Variants in PC observed in about 807,000 individuals in gnomAD.
The protein encoded by PC is pyruvate carboxylase, mitochondrial.
Under a neutral mutation model 107.8 loss-of-function variants are expected in PC, and 46 were observed. That is an observed-to-expected ratio of 0.43 (90% CI 0.34 to 0.55). PC has a LOEUF of 0.55. Ranked by LOEUF, PC falls within the 20% of genes least tolerant of loss-of-function variation. PC has a pLI of 0.04. For synonymous variants in PC, 662 were observed against 684.7 expected (o/e 0.97, Z 0.52); for missense variants, 1,241 against 1,643.1 (o/e 0.76, Z 4.23).
At chr11:66,901,797 C>A (rs929338438) in intron 3 of PC, among the ~76,000 whole-genome samples, 5 of 134,886 alleles carry the variant, frequency 3.7e-5, no homozygotes, top group Non-Finnish European at 6.8e-5. Flanking sequence ...CTTCTCCTGA[C>A]CCCTTCAAGC....
chr11:66,938,197 A>ATAAC (rs1329041315), intron 3 of PC, among the ~76,000 whole-genome samples: 76 of 152,302 alleles, frequency 5.0e-4, no homozygotes, highest in African/African-American at 1.8e-3. Context: ...TGCATGCCTC[A>ATAAC]TAACTTTTTG....
rs1431331551 is a variant in PC, at chr11:66,851,013, G to A, written c.2223+27C>T. The stretch of plus-strand genomic sequence containing the variant: ...GCGGGGACATGGCCGGGGCAGAGAG[G>A]GAGGGACGGACAAGTGGCCCAGGCA... On this transcript the variant is annotated intron_variant, in intron 17 of 22. Coordinates refer to ENST00000393960, the MANE Select transcript of PC (RefSeq NM_001040716.2). The A allele has an allele frequency of 5.0e-6, 8 of 1,611,264 alleles. No homozygotes were observed. In the East Asian group the frequency reaches 6.7e-5, roughly 13 times the overall value.
chr11:66,865,922 G>A (rs529682180), intron 11 of PC, among the ~76,000 whole-genome samples: 2 of 152,262 alleles, frequency 1.3e-5, no homozygotes, highest in South Asian at 2.1e-4. Flanking sequence ...GGGTCCCTGC[G>A]TTTTGCTCCA....
Position 66,850,346 on chromosome 11 carries a change from A to G in PC, c.2592T>C (p.Asn864=), listed in dbSNP as rs375784582. ...MKSGNSDVYE[N]EIPGGQYTNL... Reference sequence around the variant, plus strand: ...TGGTGTACTGGCCCCCTGGGATCTCATTTTCATACACGTCCGAGTTGCCAG... The same window carrying G: ...TGGTGTACTGGCCCCCTGGGATCTCGTTTTCATACACGTCCGAGTTGCCAG... The change falls in exon 19 of 23, where the codon AAT becomes AAC. Residue 864 remains asparagine (N), a synonymous_variant. Coordinates refer to ENST00000393960, the MANE Select transcript of PC (RefSeq NM_001040716.2). 2.3e-4 allele frequency: 377 copies of G among 1,613,866 alleles called. 5 individuals carry two copies. The South Asian group carries it at 3.9e-3, about 17-fold the overall frequency.
chr11:66,947,005 G>A (rs1232338749), intron 3 of PC, among the ~76,000 whole-genome samples: 1 of 152,070 alleles, frequency 6.6e-6, no homozygotes, highest in South Asian at 2.1e-4. Context: ...GTGTTGGGGA[G>A]GATGAAGAGA....
chr11:66,904,278 A>G (rs1293227627), intron 3 of PC, among the ~76,000 whole-genome samples: 1 of 151,940 alleles, frequency 6.6e-6, no homozygotes, highest in Admixed American at 6.6e-5. Flanking sequence ...TTTCTGGTTC[A>G]TGGCCCCAGA....
At chr11:66,930,000 G>A (rs746072071) in intron 3 of PC, among the ~76,000 whole-genome samples, 7 of 151,838 alleles carry the variant, frequency 4.6e-5, no homozygotes, top group Non-Finnish European at 1.0e-4. Context: ...ACAGAAGCAC[G>A]GCCCAGAGCC....
intron 3 of PC, among the ~76,000 whole-genome samples, chr11:66,881,514 T>C (rs1031892295): frequency 1.1e-4 from 17 of 152,216 alleles, no homozygotes; most frequent in Non-Finnish European, 8.8e-5. Context: ...TACGACGACC[T>C]GCAGGCTGAG....
At position 66,858,322 on chromosome 11, in the gene PC, G is replaced by C. The variant is rs773798162; in HGVS notation, c.1369-4939C>G. 6.2e-7 allele frequency: 1 copy of C among 1,607,876 alleles called. No homozygotes were observed. Among genetic ancestry groups the C allele is most frequent in the Non-Finnish European group, 8.5e-7 (1 of 1,178,922 alleles). Reference sequence around the variant, plus strand: ...CCCCCAGGCGCCTTCGCCCAGCTCGGTCAGCTCTCCCGCCTGGACCTCACC... The same window carrying C: ...CCCCCAGGCGCCTTCGCCCAGCTCGCTCAGCTCTCCCGCCTGGACCTCACC... On this transcript the variant is annotated intron_variant, in intron 12 of 22. Coordinates refer to ENST00000393960, the MANE Select transcript of PC (RefSeq NM_001040716.2). The surrounding 1 kb of genome is among the most constrained non-coding windows in gnomAD (Gnocchi z 5.9).
At chr11:66,910,431 G>A (rs1430007030) in intron 3 of PC, among the ~76,000 whole-genome samples, 3 of 152,150 alleles carry the variant, frequency 2.0e-5, no homozygotes, top group African/African-American at 4.8e-5. Context: ...ATACATTGAT[G>A]TCGTATGACT....
At chr11:66,943,232 A>G (rs570052956) in intron 3 of PC, among the ~76,000 whole-genome samples, 1 of 151,260 alleles carries the variant, frequency 6.6e-6, no homozygotes, top group Non-Finnish European at 1.5e-5. Flanking sequence ...CTATAATCCC[A>G]GCTAGTCAGG....
chr11:66,861,075 G>C (rs763632934), intron 12 of PC, among the ~76,000 whole-genome samples: 1 of 152,238 alleles, frequency 6.6e-6, no homozygotes, highest in Non-Finnish European at 1.5e-5. Flanking sequence ...CTGTGGGTCC[G>C]AGCAGGACCG....
At chr11:66,912,265 A>G (rs536789787) in intron 3 of PC, among the ~76,000 whole-genome samples, 38 of 152,222 alleles carry the variant, frequency 2.5e-4, no homozygotes, top group Non-Finnish European at 5.1e-4. Flanking sequence ...ATGTCAACAC[A>G]CTGGAAAAGT....
At chr11:66,933,566 G>A (rs183231277) in intron 3 of PC, among the ~76,000 whole-genome samples, 98 of 152,158 alleles carry the variant, frequency 6.4e-4, no homozygotes, top group African/African-American at 2.3e-3. Flanking sequence ...AAATGGGGTG[G>A]CTTTTTCCAT....
At chr11:66,910,982 T>C (rs946137898) in intron 3 of PC, among the ~76,000 whole-genome samples, 2 of 152,344 alleles carry the variant, frequency 1.3e-5, no homozygotes, top group Admixed American at 1.3e-4. Flanking sequence ...TTCTGAACTT[T>C]AGTTTCCTGA....
intron 3 of PC, among the ~76,000 whole-genome samples, chr11:66,946,294 G>T (rs1340669533): frequency 6.6e-6 from 1 of 152,002 alleles, no homozygotes; most frequent in Non-Finnish European, 1.5e-5. Context: ...AGCAGTTTGA[G>T]ACCAGCCCTG....
chr11:66,908,438 G>C (rs562047732), intron 3 of PC, among the ~76,000 whole-genome samples: 1 of 152,116 alleles, frequency 6.6e-6, no homozygotes, highest in Non-Finnish European at 1.5e-5. Context: ...TCAGCAAGCA[G>C]ATGTTCACAT....
chr11:66,854,989 C>T (rs764263505), intron 12 of PC, among the ~76,000 whole-genome samples: 12 of 152,268 alleles, frequency 7.9e-5, no homozygotes, highest in African/African-American at 1.7e-4. Context: ...TGGAGGCCTT[C>T]GCCCTGTCCT....
chr11:66,869,088 A>T (rs1376872560), intron 9 of PC, 124 bp from the exon 10 acceptor site: 2 of 731,364 alleles, frequency 2.7e-6, no homozygotes, highest in Non-Finnish European at 4.8e-6. Context: ...CCTGTGGCAA[A>T]CCCTGCCCCC....
Sources: gnomAD v4.1 joint callset for allele counts (sites outside exome capture counted in the v4.1 genomes callset) on GRCh38, gnomAD v4.1.1 for gene constraint, Gnocchi (gnomAD v3.1) non-coding constraint, MANE v1.5 for transcripts, NCBI Gene and HGNC (gene_info 2026-07-23, HGNC 2026-07-21) for gene names.